Variants in ADGRV1 observed in about 807,000 individuals in gnomAD.
ADGRV1 encodes G-protein coupled receptor 98.
A neutral mutation model predicts 596.2 loss-of-function variants in ADGRV1; 359 were observed. The observed-to-expected ratio is 0.60, with a 90% CI of 0.55 to 0.66. The LOEUF is 0.66. Among genes scored for constraint, ADGRV1 ranks in the 30% least tolerant of loss-of-function variants. ADGRV1 has a pLI of 0.00. For missense variants in ADGRV1, 7,274 were observed against 7,575.6 expected (o/e 0.96, Z 1.48); for synonymous variants, 2,681 against 2,679.2 (o/e 1.00, Z -0.02).
intron 58 of ADGRV1, among the ~76,000 whole-genome samples, chr5:90,760,923 A>G (rs927819291): frequency 1.1e-4 from 17 of 152,248 alleles, no homozygotes; most frequent in African/African-American, 3.9e-4. Context: ...ACTATGACAT[A>G]ATATTATGAC....
chr5:91,160,760 G>A (rs1274683979), intron 89 of ADGRV1, among the ~76,000 whole-genome samples: 2 of 152,156 alleles, frequency 1.3e-5, no homozygotes, highest in Non-Finnish European at 2.9e-5. Flanking sequence ...TGTGCTCCCA[G>A]GTCTCGGCAT....
intron 84 of ADGRV1, among the ~76,000 whole-genome samples, chr5:90,968,965 C>G (rs946270817): frequency 6.6e-6 from 1 of 152,018 alleles, no homozygotes; most frequent in Non-Finnish European, 1.5e-5. Context: ...TTATTTTTAT[C>G]TGCGTATCTT....
chr5:90,600,708 T>G (rs1761290241), intron 1 of ADGRV1, among the ~76,000 whole-genome samples: 1 of 152,194 alleles, frequency 6.6e-6, no homozygotes, highest in Non-Finnish European at 1.5e-5. Flanking sequence ...GTTCTAGTTC[T>G]AGATCCTTGA....
At chr5:90,910,427 A>AAT (rs1259932772) in intron 83 of ADGRV1, among the ~76,000 whole-genome samples, 3 of 152,176 alleles carry the variant, frequency 2.0e-5, no homozygotes, top group Non-Finnish European at 4.4e-5. Context: ...GCACATTGTG[A>AAT]ATATAGTATT....
chr5:91,132,298 T>C (rs1794284868), intron 87 of ADGRV1, among the ~76,000 whole-genome samples: 1 of 152,240 alleles, frequency 6.6e-6, no homozygotes, highest in South Asian at 2.1e-4. Context: ...AGAAGGTCCT[T>C]GGAATTTTTT....
chr5:90,802,752 T>C lies in ADGRV1; in HGVS notation c.14531T>C (p.Leu4844Pro). ...GTTTGTTTATAGGTCTTCCTATCAC[T>C]GGGCTCTAATTTCACTTTGCAACTG... ...VPIKNQVFLS[L>P]GSNFTLQLVT... The change falls in exon 71 of 90, where the codon CTG becomes CCG. Residue 4844 changes from leucine (L) to proline (P), a missense_variant. This residue lies in a region of ADGRV1 where 1,874 missense variants were observed against 1,970.2 expected (regional missense o/e 0.95). Transcript: ENST00000405460. 6.2e-7 allele frequency: 1 copy of C among 1,612,240 alleles called. No homozygotes were observed. Among genetic ancestry groups the C allele is most frequent in the Non-Finnish European group, 8.5e-7 (1 of 1,179,002 alleles).
At chr5:91,128,969 A>G (rs1793987236) in intron 87 of ADGRV1, among the ~76,000 whole-genome samples, 1 of 152,240 alleles carries the variant, frequency 6.6e-6, no homozygotes, top group South Asian at 2.1e-4. Context: ...AGTGTAAATG[A>G]GGAAAAATGG....
intron 86 of ADGRV1, among the ~76,000 whole-genome samples, chr5:91,094,649 A>C (rs1790694560): frequency 6.6e-6 from 1 of 152,178 alleles, no homozygotes; most frequent in Non-Finnish European, 1.5e-5. Context: ...TAAAATAGAC[A>C]AAATATGTTG....
Position 90,690,062 on chromosome 5 carries a change from C to A in ADGRV1, c.6692C>A (p.Pro2231His). The change falls in exon 30 of 90, where the codon CCC (proline) becomes CAC (histidine). Residue 2231 changes from proline to histidine, a missense_variant. Physicochemically the swap from Pro to His is moderately conservative, Grantham distance 77 (BLOSUM62 -2). Around this residue, in one of 5 missense-constraint regions of ADGRV1, gnomAD observed 3,643 missense variants for 3,809.2 expected, o/e 0.96. Transcript: ENST00000405460. ...AVIIIEASDD[P>H]YGLFGFQITK... ...ATTATTATTGAGGCCTCTGATGACC[C>A]CTATGGATTATTTGGTATGAAGACT... is the stretch of plus-strand genomic sequence containing the variant. The A allele has an allele frequency of 1.3e-6, 2 of 1,560,634 alleles. No homozygotes were observed. The highest frequency in any genetic ancestry group is 1.7e-6 in the Non-Finnish European group (2 of 1,146,104).
chr5:90,641,370 A>G (rs1215966458), intron 11 of ADGRV1, among the ~76,000 whole-genome samples: 1 of 152,198 alleles, frequency 6.6e-6, no homozygotes, highest in African/African-American at 2.4e-5. Context: ...TTTGCATTTC[A>G]CTTAAGGGTA....
rs189135706 is a variant in ADGRV1 at position 90,731,581 on chromosome 5, A to G, written c.10549+1817A>G. On this transcript the variant is annotated intron_variant, in intron 50 of 89. Transcript: ENST00000405460. ...AGGGAAAGGTATGAGCAAAGGAGAA[A>G]GGCAGAAGTGTTTATAGCATTGAGG... Among the ~76,000 whole-genome samples the G allele has an allele frequency of 2.5e-3, 378 of 152,312 alleles. 1 individual carries two copies. The highest frequency in any genetic ancestry group is 8.2e-3 in the African/African-American group (342 of 41,576).
intron 8 of ADGRV1, 141 bp from the exon 9 acceptor site, chr5:90,629,069 G>C: frequency 1.6e-6 from 1 of 639,682 alleles, no homozygotes; most frequent in East Asian, 2.9e-5. Flanking sequence ...TTCATCTTTT[G>C]CTCTATTATG....
chr5:91,119,114 T>C (rs1793091896), intron 87 of ADGRV1, among the ~76,000 whole-genome samples: 1 of 152,152 alleles, frequency 6.6e-6, no homozygotes, highest in African/African-American at 2.4e-5. Context: ...CTTTGAAAAA[T>C]CAAACAAGTT....
chr5:91,096,461 G>T (rs553157153), intron 86 of ADGRV1, among the ~76,000 whole-genome samples: 16 of 152,260 alleles, frequency 1.1e-4, no homozygotes, highest in African/African-American at 3.6e-4. Flanking sequence ...ACTAATTGAC[G>T]TATCTACTTG....
intron 1 of ADGRV1, among the ~76,000 whole-genome samples, chr5:90,576,393 T>C (rs1757219070): frequency 1.3e-5 from 2 of 152,136 alleles, no homozygotes. Flanking sequence ...GATAGTTTGC[T>C]GAGAATGATG....
At chr5:90,926,628 T>G (rs1428814636) in intron 83 of ADGRV1, among the ~76,000 whole-genome samples, 2 of 152,036 alleles carry the variant, frequency 1.3e-5, no homozygotes, top group Admixed American at 1.3e-4. Flanking sequence ...TGTGTCTCTG[T>G]TTCCTTCAGT....
Position 91,079,413 on chromosome 5 carries a change from C to G in ADGRV1, c.18310+6809C>G, listed in dbSNP as rs201927782. Among the ~76,000 whole-genome samples the G allele has an allele frequency of 1.3e-4, 20 of 152,228 alleles. No individual in the cohort carries two copies. In the East Asian group the frequency reaches 3.5e-3, roughly 26 times the overall value. On this transcript the variant is annotated intron_variant, in intron 86 of 89. Transcript: ENST00000405460. ...TGCTTAGGTTTTTGATCTCAATCCTCGAAGATTCATATCAGAAATCTCTCT... is the reference window on the plus strand; with the variant it reads ...TGCTTAGGTTTTTGATCTCAATCCTGGAAGATTCATATCAGAAATCTCTCT...
chr5:90,831,487 G>T (rs1204144856), intron 77 of ADGRV1, among the ~76,000 whole-genome samples: 1 of 151,846 alleles, frequency 6.6e-6, no homozygotes, highest in Non-Finnish European at 1.5e-5. Flanking sequence ...TTTGATACAG[G>T]CATACAATGC....
In ADGRV1 at chr5:90,754,870, T is replaced by C. The variant is rs1438945507; in HGVS notation, c.11378-113T>C. The C allele has an allele frequency of 4.2e-6, 3 of 713,586 alleles. No homozygotes were observed. In the African/African-American group the frequency reaches 5.3e-5, roughly 13 times the overall value. 44.2% of individuals were successfully genotyped at this position (713,586 alleles called of 1,614,324 possible). On this transcript the variant is annotated intron_variant, in intron 54 of 89. Transcript: ENST00000405460. ...GTATACATTGTCTTTGTTTTACTTCTTTTTCCTTAACTGTCTACAAGGGAT... is the reference window on the plus strand; with the variant it reads ...GTATACATTGTCTTTGTTTTACTTCCTTTTCCTTAACTGTCTACAAGGGAT...
Sources: gnomAD v4.1 joint callset for allele counts (sites outside exome capture counted in the v4.1 genomes callset) on GRCh38, gnomAD v4.1.1 for gene constraint, gnomAD v4.1.1 regional missense constraint, MANE v1.5 for transcripts, NCBI Gene and HGNC (gene_info 2026-07-23, HGNC 2026-07-21) for gene names.